The following TULP4 variants were observed in gnomAD, a reference collection of about 807,000 sequenced individuals.
TULP4 encodes the protein tubby-related protein 4.
In TULP4, 16 loss-of-function variants were observed where a neutral mutation model predicts 129.0. The ratio of observed to expected loss-of-function variants is 0.12; its 90% CI spans 0.08 to 0.19. The LOEUF (loss-of-function observed/expected upper bound fraction) is 0.19. Ranked by LOEUF, TULP4 falls within the 10% of genes least tolerant of loss-of-function variation. The pLI is 1.00. For missense variants in TULP4, 1,842 were observed against 2,059.1 expected (o/e 0.89, Z 2.04); for synonymous variants, 998 against 854.0 (o/e 1.17, Z -2.94).
In TULP4 at chr6:158,381,351, A is replaced by G. The variant is rs563504599; in HGVS notation, c.253-31714A>G. ...CCATAGAGTATGAAAGACTCCAAAC[A>G]GGGCTGGGGCATCACCCTGTAATCA... is the stretch of plus-strand genomic sequence containing the variant. On this transcript the variant is annotated intron_variant, in intron 1 of 13. Coordinates refer to ENST00000367097, the MANE Select transcript of TULP4 (RefSeq NM_020245.5). 3.9e-5 allele frequency among the ~76,000 whole-genome samples: 6 copies of G among 152,288 alleles called. No homozygotes were observed. In the East Asian group the frequency reaches 1.2e-3, roughly 29 times the overall value.
intron 1 of TULP4, among the ~76,000 whole-genome samples, chr6:158,412,101 A>C (rs980215597): frequency 6.6e-6 from 1 of 152,160 alleles, no homozygotes; most frequent in Non-Finnish European, 1.5e-5. Flanking sequence ...GGAGGTTCTG[A>C]CTTCCCAGCT....
chr6:158,408,388 C>T (rs1436380646), intron 1 of TULP4, among the ~76,000 whole-genome samples: 1 of 152,104 alleles, frequency 6.6e-6, no homozygotes, highest in Non-Finnish European at 1.5e-5. Context: ...AAACATTTAT[C>T]TTTTATTAAA....
Position 158,331,688 on chromosome 6 carries a change from G to GACACAC in TULP4, c.252+17456_252+17461dup, listed in dbSNP as rs146753041. 6.9e-4 allele frequency among the ~76,000 whole-genome samples: 30 copies of GACACAC among 43,304 alleles called. 7 individuals carry two copies. In the South Asian group the frequency reaches 0.014, roughly 21 times the overall value. The allele number at this position is 43,304 out of a possible 152,430, so 28.4% of individuals were successfully genotyped here. On this transcript the variant is annotated intron_variant, in intron 1 of 13. Transcript: ENST00000367097. ...TCTTTGCTGCTGGACTCGTTCAACA[G>GACACAC]ACACACACACACACACACACACACA...
intron 1 of TULP4, among the ~76,000 whole-genome samples, chr6:158,250,678 C>T (rs939951093): frequency 2.0e-5 from 3 of 152,154 alleles, no homozygotes; most frequent in African/African-American, 7.2e-5. Flanking sequence ...TACCTCTTGT[C>T]TCCTTGGCTG....
At position 158,469,447 on chromosome 6, in the gene TULP4, A is replaced by G. The variant is rs552751243; in HGVS notation, c.1026+7718A>G. Among the ~76,000 whole-genome samples the G allele has an allele frequency of 5.3e-5, 8 of 151,754 alleles. No homozygotes were observed. In the South Asian group the frequency reaches 1.7e-3, roughly 32 times the overall value. On this transcript the variant is annotated intron_variant, in intron 6 of 13. Transcript: ENST00000367097. Reference sequence around the variant, plus strand: ...TGCCACCACACTGGCTAATTTTTGTATTTTTTGGTAGAGACAGCGTCTCAC... The same window carrying G: ...TGCCACCACACTGGCTAATTTTTGTGTTTTTTGGTAGAGACAGCGTCTCAC...
chr6:158,414,980 T>C (rs1778175374), intron 2 of TULP4, among the ~76,000 whole-genome samples: 2 of 152,362 alleles, frequency 1.3e-5, no homozygotes, highest in Non-Finnish European at 2.9e-5. Flanking sequence ...CTAGTTTGTT[T>C]GAGTCTGTAA....
intron 1 of TULP4, among the ~76,000 whole-genome samples, chr6:158,349,100 C>T (rs1780409083): frequency 1.4e-5 from 2 of 142,542 alleles, no homozygotes; most frequent in African/African-American, 2.6e-5. Context: ...CCAGATGGGG[C>T]AGCCGGGCAG....
chr6:158,392,854 G>A (rs1445505223), intron 1 of TULP4, among the ~76,000 whole-genome samples: 2 of 125,560 alleles, frequency 1.6e-5, no homozygotes, highest in Admixed American at 1.9e-4. Flanking sequence ...AGGCTGGAGT[G>A]CAGTGGCGTG....
At chr6:158,265,436 C>T (rs148430280) in intron 1 of TULP4, among the ~76,000 whole-genome samples, 2,049 of 152,144 alleles carry the variant, frequency 0.013, 26 homozygotes, top group South Asian at 0.037. Flanking sequence ...AATCCCAGCA[C>T]GTTGGGAGGC....
rs143359702 is a variant in TULP4, at chr6:158,441,177, G to A, written c.544-7819G>A. On this transcript the variant is annotated intron_variant, in intron 3 of 13. Transcript: ENST00000367097. ...TTAAAATACAAAATTACCCAGGCAC[G>A]ATGGTGCACGGCTGTAATCCCAGCT... Among the ~76,000 whole-genome samples, 1,127 of 152,168 alleles carry A rather than the reference G, an allele frequency of 7.4e-3. 8 individuals are homozygous for A. Among genetic ancestry groups the A allele is most frequent in the Middle Eastern group, 0.031 (9 of 294 alleles).
intron 1 of TULP4, among the ~76,000 whole-genome samples, chr6:158,287,462 T>C (rs1326500478): frequency 6.6e-6 from 1 of 152,236 alleles, no homozygotes; most frequent in Non-Finnish European, 1.5e-5. Context: ...ATACGTAATA[T>C]ATACGTACAT....
intron 1 of TULP4, among the ~76,000 whole-genome samples, chr6:158,345,667 C>T (rs531342903): frequency 6.6e-6 from 1 of 152,122 alleles, no homozygotes; most frequent in African/African-American, 2.4e-5. Context: ...GATAAGAGTC[C>T]AACAAAGATG....
intron 1 of TULP4, among the ~76,000 whole-genome samples, chr6:158,363,435 C>A (rs150337173): frequency 0.017 from 2,569 of 152,150 alleles, 230 homozygotes; most frequent in Admixed American, 0.15. Flanking sequence ...TGTCATTTTG[C>A]TGCCTATTTC....
Position 158,511,218 on chromosome 6 carries a change from TAAA to T in TULP4, c.*4527_*4529del. 6.5e-6 allele frequency: 1 copy of T among 152,746 alleles called. No individual in the cohort carries two copies. Among genetic ancestry groups the T allele is most frequent in the Non-Finnish European group, 1.5e-5 (1 of 68,026 alleles). 9.5% of individuals were successfully genotyped at this position (152,746 alleles called of 1,614,324 possible). A position where few individuals can be genotyped will look rare whatever the true frequency, so the allele number is the denominator to read the frequency against. On this transcript the variant is annotated 3_prime_UTR_variant, in exon 14 of 14. Transcript: ENST00000367097. ...CTAAGATCTTGTTGTTTATTGTAGA[TAAA>T]AATTTTTTCGTGTTGTAGAAAAGCA...
intron 1 of TULP4, among the ~76,000 whole-genome samples, chr6:158,245,290 C>T (rs1046323933): frequency 1.4e-4 from 22 of 152,010 alleles, no homozygotes; most frequent in Admixed American, 9.8e-4. Context: ...CCACCGCACC[C>T]GGCCTAGACC....
chr6:158,235,573 C>G (rs1374252940), intron 1 of TULP4, among the ~76,000 whole-genome samples: 3 of 152,190 alleles, frequency 2.0e-5, no homozygotes, highest in Non-Finnish European at 2.9e-5. Context: ...GTCTTGAACT[C>G]CTGGGCTCAA....
intron 1 of TULP4, chr6:158,242,595 T>C (rs755099504): frequency 8.4e-6 from 6 of 716,824 alleles, no homozygotes; most frequent in Non-Finnish European, 1.0e-5. Flanking sequence ...GAGAGAGTTA[T>C]TGGCTAACAG....
chr6:158,428,360 A>G (rs143083900), intron 2 of TULP4: 41 of 152,302 alleles, frequency 2.7e-4, no homozygotes, highest in African/African-American at 9.4e-4. Flanking sequence ...TACCAAAACA[A>G]AATCACGGGT....
At position 158,504,043 on chromosome 6, in the gene TULP4, C is replaced by T. The variant is rs780006459; in HGVS notation, c.4380C>T (p.Ser1460=). The T allele has an allele frequency of 6.2e-7, 1 of 1,610,014 alleles. No homozygotes were observed. Among genetic ancestry groups the T allele is most frequent in the South Asian group, 1.1e-5 (1 of 90,638 alleles). ...AGAAGGAGGACGGGCGGCTGGGCAG[C>T]CAAGGCTTCGTGTACGTGATGGCCA... is the stretch of plus-strand genomic sequence containing the variant. The part of the protein sequence containing the change: ...ASEKEDGRLG[S]QGFVYVMANK... Residue 1460 remains serine, a synonymous_variant, in exon 13 of 14, where the codon AGC becomes AGT. Coordinates refer to ENST00000367097, the MANE Select transcript of TULP4 (RefSeq NM_020245.5).
Sources: allele counts gnomAD v4.1 joint callset (sites outside exome capture counted in the v4.1 genomes callset), GRCh38; gene constraint gnomAD v4.1.1; transcripts MANE v1.5; gene names NCBI Gene and HGNC (gene_info 2026-07-23, HGNC 2026-07-21).